ANK2: variants seen among roughly 807,000 people sequenced by gnomAD.
ANK2 encodes ankyrin-2.
A neutral mutation model predicts 360.5 loss-of-function variants in ANK2; 83 were observed. That is an observed-to-expected ratio of 0.23 (90% confidence interval 0.19 to 0.28). The LOEUF is 0.28. Ranked by LOEUF, ANK2 falls within the 10% of genes least tolerant of loss-of-function variation. ANK2 has a pLI of 1.00. For synonymous variants in ANK2, 1,740 were observed against 1,759.5 expected (o/e 0.99, Z 0.28); for missense variants, 4,201 against 4,795.7 (o/e 0.88, Z 3.66).
At chr4:113,150,811 A>G (rs2097043814) in intron 1 of ANK2, among the ~76,000 whole-genome samples, 1 of 152,170 alleles carries the variant, frequency 6.6e-6, no homozygotes, top group African/African-American at 2.4e-5. Flanking sequence ...AACCCCCAAA[A>G]TTTAGATGAG....
chr4:112,993,763 G>C (rs1459547508), intron 2 of ANK2, among the ~76,000 whole-genome samples: 1 of 151,618 alleles, frequency 6.6e-6, no homozygotes, highest in Non-Finnish European at 1.5e-5. Context: ...CTGGAGTGCA[G>C]AGGCACGATC....
chr4:113,250,754 C>T (rs1169020952), intron 10 of ANK2, among the ~76,000 whole-genome samples: 2 of 90,532 alleles, frequency 2.2e-5, no homozygotes, highest in Non-Finnish European at 5.4e-5. Flanking sequence ...CTCATACCAC[C>T]GCCCCCCCCC....
intron 43 of ANK2, 29 bp from the exon 44 acceptor site, chr4:113,373,059 CCA>C (rs2096795872): frequency 1.3e-6 from 2 of 1,585,066 alleles, no homozygotes; most frequent in Non-Finnish European, 1.7e-6. Context: ...GTGCCAAACA[CCA>C]CAGTGACCCT....
the ANK2 span, among the ~76,000 whole-genome samples, chr4:112,749,948 G>A: frequency 1.1e-4 from 17 of 152,280 alleles, no homozygotes; most frequent in African/African-American, 4.1e-4. Context: ...GTTTCACCGT[G>A]TTGGCCAGGC....
At chr4:113,089,558 G>A (rs2154352488) in intron 1 of ANK2, among the ~76,000 whole-genome samples, 1 of 152,340 alleles carries the variant, frequency 6.6e-6, no homozygotes, top group Admixed American at 6.5e-5. Flanking sequence ...CAGGCATGGT[G>A]GCTCATGCCT....
At chr4:113,240,005 C>A (rs1419870282) in intron 7 of ANK2, among the ~76,000 whole-genome samples, 2 of 152,072 alleles carry the variant, frequency 1.3e-5, no homozygotes, top group Admixed American at 6.6e-5. Context: ...AATTTTTCAA[C>A]ATATTTTCAT....
chr4:113,292,972 G>A, intron 21 of ANK2: 3 of 353,048 alleles, frequency 8.5e-6, no homozygotes, highest in South Asian at 6.8e-5. Context: ...CGAATTGCTT[G>A]CCTGTGTTAT....
Position 113,357,035 on chromosome 4 carries a change from T to C in ANK2, c.8417T>C (p.Val2806Ala), listed in dbSNP as rs769091762. The C allele has an allele frequency of 1.7e-5, 28 of 1,613,928 alleles. No individual in the cohort carries two copies. Among genetic ancestry groups the C allele is most frequent in the Middle Eastern group, 3.3e-4 (2 of 6,084 alleles). ...PTGDDVDEQP[V>A]IYKESLALQG... Reference sequence around the variant, plus strand: ...GGTGATGATGTTGATGAACAGCCAGTCATCTATAAAGAATCATTAGCTCTC... The same window carrying C: ...GGTGATGATGTTGATGAACAGCCAGCCATCTATAAAGAATCATTAGCTCTC... Residue 2806 changes from valine to alanine, a missense_variant, in exon 38 of 46, where the codon GTC (valine) becomes GCC (alanine). Val to Ala is a moderately conservative substitution (Grantham distance 64). Around this residue, in one of 4 missense-constraint regions of ANK2, gnomAD observed 2,642 missense variants for 2,714.5 expected, o/e 0.97. Transcript: ENST00000357077.
chr4:112,798,758 C>G, the ANK2 span: 1 of 152,172 alleles, frequency 6.6e-6, no homozygotes, highest in East Asian at 1.9e-4. Context: ...CCAGGACTGG[C>G]CATCTATCTT....
chr4:112,759,102 T>A, the ANK2 span, among the ~76,000 whole-genome samples: 1 of 152,282 alleles, frequency 6.6e-6, no homozygotes, highest in East Asian at 1.9e-4. Flanking sequence ...TAAAAAATAC[T>A]ATGGATTAGG....
intron 1 of ANK2, among the ~76,000 whole-genome samples, chr4:112,854,445 TATG>T (rs2065825958): frequency 6.6e-6 from 1 of 152,202 alleles, no homozygotes; most frequent in Admixed American, 6.5e-5. Context: ...GCTGTGGTGA[TATG>T]ATAGCCTTGT....
At chr4:113,013,089 A>T (rs1182955654) in intron 2 of ANK2, among the ~76,000 whole-genome samples, 1 of 152,168 alleles carries the variant, frequency 6.6e-6, no homozygotes, top group Non-Finnish European at 1.5e-5. Flanking sequence ...AGTGAAAGAC[A>T]TTGTTTATCT....
chr4:113,332,991 A>G (rs1457157096), intron 28 of ANK2, 63 bp from the exon 29 acceptor site: 1 of 1,609,122 alleles, frequency 6.2e-7, no homozygotes, highest in African/African-American at 1.3e-5. Context: ...AACAGAGTCG[A>G]GGTGCTTGTC....
At chr4:113,089,092 A>T (rs2154352258) in intron 1 of ANK2, among the ~76,000 whole-genome samples, 1 of 152,198 alleles carries the variant, frequency 6.6e-6, no homozygotes, top group South Asian at 2.1e-4. Flanking sequence ...AAGCTGCGAG[A>T]TCTCTTAGGA....
Position 113,353,185 on chromosome 4 carries a change from A to G in ANK2, c.4567A>G (p.Thr1523Ala), listed in dbSNP as rs2095526100. The change falls in exon 38 of 46, where the codon ACA becomes GCA. Residue 1523 changes from threonine to alanine, a missense_variant. Physicochemically the swap from Thr to Ala is moderately conservative, Grantham distance 58 (BLOSUM62 0). Around this residue, in one of 4 missense-constraint regions of ANK2, gnomAD observed 1,268 missense variants for 1,650.8 expected, o/e 0.77. Coordinates refer to ENST00000357077, the MANE Select transcript of ANK2 (RefSeq NM_001148.6). ...DLIKMTAILT[T>A]DVSDKAGSIK... ...GATCAAAATGACCGCCATCTTGACC[A>G]CAGATGTGTCTGATAAGGCAGGTTC... The G allele has an allele frequency of 3.1e-6, 5 of 1,614,098 alleles. No individual in the cohort carries two copies. The highest frequency in any genetic ancestry group is 4.2e-6 in the Non-Finnish European group (5 of 1,179,962).
chr4:113,169,657 C>A (rs992867601), intron 1 of ANK2, among the ~76,000 whole-genome samples: 1 of 151,982 alleles, frequency 6.6e-6, no homozygotes, highest in Non-Finnish European at 1.5e-5. Flanking sequence ...GTTGGGTCAC[C>A]GTTTTAGACA....
chr4:112,983,644 C>T (rs1200531833), intron 2 of ANK2, among the ~76,000 whole-genome samples: 1 of 151,764 alleles, frequency 6.6e-6, no homozygotes, highest in Non-Finnish European at 1.5e-5. Context: ...CATTGCACTC[C>T]AGCCTGAGCA....
At chr4:113,116,649 CAT>C (rs757413785) in intron 1 of ANK2, among the ~76,000 whole-genome samples, 17 of 152,204 alleles carry the variant, frequency 1.1e-4, no homozygotes, top group Non-Finnish European at 2.2e-4. Flanking sequence ...GAATTCATGT[CAT>C]GTGCTACAGC....
In ANK2 at chr4:112,992,894, G is replaced by T. The variant is rs182208029; in HGVS notation, c.21+88380G>T. ...AATTGACATCTGTTCTTAAAATGTTGTATCTATAATTGCCAAACCTATTCA... is the reference window on the plus strand; with the variant it reads ...AATTGACATCTGTTCTTAAAATGTTTTATCTATAATTGCCAAACCTATTCA... On this transcript the variant is annotated intron_variant, in intron 2 of 30. Coordinates refer to the ANK2 transcript ENST00000503271. Among the ~76,000 whole-genome samples, 16 of 152,304 alleles carry T rather than the reference G, an allele frequency of 1.1e-4. 1 individual carries two copies. The highest frequency in any genetic ancestry group is 4.6e-4 in the Admixed American group (7 of 15,302).
Sources: allele counts gnomAD v4.1 joint callset (sites outside exome capture counted in the v4.1 genomes callset), GRCh38; gene constraint gnomAD v4.1.1; regional missense constraint gnomAD v4.1.1; transcripts MANE v1.5; gene names NCBI Gene and HGNC (gene_info 2026-07-23, HGNC 2026-07-21).